Variants in ESR1 observed in about 807,000 individuals in gnomAD.
ESR1 encodes estrogen receptor 1.
ESR1 carries 12 observed loss-of-function variants against 52.7 expected under a neutral mutation model. The ratio of observed to expected loss-of-function variants is 0.23; its 90% CI spans 0.15 to 0.37. ESR1 has a LOEUF of 0.37. Among genes scored for constraint, ESR1 ranks in the 10% least tolerant of loss-of-function variants. ESR1 has a pLI of 1.00. For missense variants in ESR1, 584 were observed against 779.7 expected (o/e 0.75, Z 2.99); for synonymous variants, 305 against 316.8 (o/e 0.96, Z 0.39).
chr6:151,691,418 G>A (rs1778932109), intron 1 of ESR1, among the ~76,000 whole-genome samples: 1 of 152,196 alleles, frequency 6.6e-6, no homozygotes, highest in African/African-American at 2.4e-5. Context: ...CTTAGGAAAT[G>A]CTCGCTGAAC....
At chr6:151,701,211 GTTT>G (rs34710279) in intron 1 of ESR1, among the ~76,000 whole-genome samples, 1 of 145,064 alleles carries the variant, frequency 6.9e-6, no homozygotes, top group Admixed American at 6.9e-5. Flanking sequence ...TGGGCTGGGA[GTTT>G]TTTTTTTTTT....
intron 4 of ESR1, among the ~76,000 whole-genome samples, chr6:151,990,716 G>C (rs925694073): frequency 6.6e-6 from 1 of 152,186 alleles, no homozygotes; most frequent in Non-Finnish European, 1.5e-5. Context: ...CTGATGGACA[G>C]TGAGAACCAT....
intron 6 of ESR1, among the ~76,000 whole-genome samples, chr6:152,069,200 TAGGCTTTTTAAG>T (rs140759565): frequency 0.069 from 9,378 of 136,572 alleles, 1,551 homozygotes; most frequent in South Asian, 0.15. Context: ...AGTCTGGGAC[TAGGCTTTTTAAG>T]AGAATTCTGG....
chr6:151,964,646 CTT>C (rs57659292), intron 4 of ESR1, among the ~76,000 whole-genome samples: 195 of 143,096 alleles, frequency 1.4e-3, no homozygotes, highest in African/African-American at 2.4e-3. Context: ...TATTTTCTTT[CTT>C]TTTTTTTTTT....
chr6:151,861,217 C>G (rs754288198), intron 2 of ESR1, among the ~76,000 whole-genome samples: 1 of 152,056 alleles, frequency 6.6e-6, no homozygotes, highest in Non-Finnish European at 1.5e-5. Flanking sequence ...CATGAGAACA[C>G]TCCCGAAGAA....
intron 6 of ESR1, among the ~76,000 whole-genome samples, chr6:152,084,548 A>G (rs969131180): frequency 6.6e-6 from 1 of 152,140 alleles, no homozygotes; most frequent in Non-Finnish European, 1.5e-5. Flanking sequence ...AGTCTCGAGT[A>G]TGTCTTTATC....
At chr6:151,682,445 G>T (rs2115302640) in intron 1 of ESR1, among the ~76,000 whole-genome samples, 1 of 152,272 alleles carries the variant, frequency 6.6e-6, no homozygotes, top group East Asian at 1.9e-4. Flanking sequence ...CTTGATAATT[G>T]CTGAGTAGAC....
At chr6:152,104,200 AG>A (rs1433523552), downstream of ESR1, among the ~76,000 whole-genome samples, 1 of 152,100 alleles carries the variant, frequency 6.6e-6, no homozygotes, top group Non-Finnish European at 1.5e-5. Flanking sequence ...TTTCTTTATT[AG>A]GATGGGTTGA....
At chr6:151,767,299 C>T (rs1045770574) in intron 2 of ESR1, among the ~76,000 whole-genome samples, 3 of 152,142 alleles carry the variant, frequency 2.0e-5, no homozygotes, top group South Asian at 4.1e-4. Flanking sequence ...TATATCTCAG[C>T]TTAAGAGAGT....
chr6:151,673,919 T>C (rs1309893276), intron 1 of ESR1, among the ~76,000 whole-genome samples: 1 of 152,208 alleles, frequency 6.6e-6, no homozygotes, highest in Non-Finnish European at 1.5e-5. Flanking sequence ...TTTGCCATTT[T>C]GTGTGTGTTT....
At chr6:152,048,484 G>T (rs762146802) in intron 5 of ESR1, among the ~76,000 whole-genome samples, 2 of 150,718 alleles carry the variant, frequency 1.3e-5, no homozygotes, top group African/African-American at 4.9e-5. Flanking sequence ...TTTTCTTCTT[G>T]GCATTGATCA....
At chr6:151,923,653 C>A (rs2032138939) in intron 3 of ESR1, among the ~76,000 whole-genome samples, 1 of 152,114 alleles carries the variant, frequency 6.6e-6, no homozygotes, top group African/African-American at 2.4e-5. Context: ...TTTTCATGGT[C>A]TGATAGCTCA....
chr6:151,846,468 C>T (rs1294079480), intron 2 of ESR1, among the ~76,000 whole-genome samples: 1 of 152,230 alleles, frequency 6.6e-6, no homozygotes, highest in Admixed American at 6.5e-5. Flanking sequence ...ATAAATCACA[C>T]TGCCCCTCAA....
At chr6:151,914,150 T>C (rs1353214037) in intron 3 of ESR1, among the ~76,000 whole-genome samples, 3 of 152,138 alleles carry the variant, frequency 2.0e-5, no homozygotes, top group Non-Finnish European at 4.4e-5. Flanking sequence ...CTTTTTCTTC[T>C]GTCTACTGTA....
Position 152,101,726 on chromosome 6 carries a change from C to T in ESR1, c.*2760C>T, listed in dbSNP as rs748680841. ...TAAAAGATGTGATTTATCTGGGGGG[C>T]TCAGGTATGGTGGGGAAGTGGATTC... is the stretch of plus-strand genomic sequence containing the variant. On this transcript the variant is annotated 3_prime_UTR_variant, in exon 8 of 8. Transcript: ENST00000206249. 6.5e-5 allele frequency: 15 copies of T among 230,534 alleles called. No homozygotes were observed. The highest frequency in any genetic ancestry group is 1.1e-4 in the Non-Finnish European group (13 of 116,500). 14.3% of individuals were successfully genotyped at this position (230,534 alleles called of 1,614,324 possible).
At chr6:152,119,039 ACTGGGCTGCTTT>A (rs1321108888) in intron 6 of ESR1, among the ~76,000 whole-genome samples, 9 of 152,324 alleles carry the variant, frequency 5.9e-5, no homozygotes, top group African/African-American at 2.2e-4. Flanking sequence ...GAACCTGTCC[ACTGGGCTGCTTT>A]CAGGCAGCCC....
At chr6:151,797,886 T>G (rs1776861947) in intron 2 of ESR1, among the ~76,000 whole-genome samples, 2 of 152,242 alleles carry the variant, frequency 1.3e-5, no homozygotes, top group South Asian at 4.1e-4. Flanking sequence ...ACGTAAGGAT[T>G]TTCTCAGTTT....
intron 2 of ESR1, among the ~76,000 whole-genome samples, chr6:151,736,885 G>A (rs1782721861): frequency 6.6e-6 from 1 of 152,068 alleles, no homozygotes; most frequent in African/African-American, 2.4e-5. Context: ...ACTAAAAATT[G>A]TGCTGTATTT....
chr6:151,893,359 A>G (rs1794978691), intron 3 of ESR1, among the ~76,000 whole-genome samples: 3 of 152,134 alleles, frequency 2.0e-5, no homozygotes, highest in South Asian at 2.1e-4. Flanking sequence ...AAAAAAAGAA[A>G]AGAAATGTTC....
Sources: gnomAD v4.1 joint callset for allele counts (sites outside exome capture counted in the v4.1 genomes callset) on GRCh38, gnomAD v4.1.1 for gene constraint, MANE v1.5 for transcripts, NCBI Gene and HGNC (gene_info 2026-07-23, HGNC 2026-07-21) for gene names.